The following SPECC1L variants were observed in gnomAD, a reference collection of about 807,000 sequenced individuals.
The protein encoded by SPECC1L is sperm antigen with calponin homology and coiled-coil domains 1 like.
SPECC1L carries 40 observed loss-of-function variants against 116.8 expected under a neutral mutation model. That is an observed-to-expected ratio of 0.34 (90% CI 0.27 to 0.45). The LOEUF (loss-of-function observed/expected upper bound fraction) is 0.45. Ranked by LOEUF, SPECC1L falls within the 20% of genes least tolerant of loss-of-function variation. The probability of loss-of-function intolerance (pLI) is 1.00; values close to 1 mark genes in which losing one functional copy is unlikely to be tolerated. For missense variants in SPECC1L, 1,110 were observed against 1,373.6 expected (o/e 0.81, Z 3.03); for synonymous variants, 504 against 500.6 (o/e 1.01, Z -0.09).
intron 14 of SPECC1L, among the ~76,000 whole-genome samples, chr22:24,375,789 C>A (rs559853437): frequency 6.6e-6 from 1 of 152,074 alleles, no homozygotes; most frequent in East Asian, 1.9e-4. Context: ...TCCATCTTTA[C>A]TAATACAAAA....
At chr22:24,297,318 G>GT (rs929271432) in intron 2 of SPECC1L, among the ~76,000 whole-genome samples, 14 of 151,272 alleles carry the variant, frequency 9.3e-5, no homozygotes, top group Admixed American at 2.0e-4. Flanking sequence ...TACATAAAGG[G>GT]TTTTTTTAAA....
intron 14 of SPECC1L, among the ~76,000 whole-genome samples, chr22:24,392,931 A>G (rs1187112538): frequency 1.3e-5 from 2 of 152,170 alleles, no homozygotes; most frequent in Non-Finnish European, 2.9e-5. Context: ...GAGCACTTCT[A>G]TGTAGCCTCT....
chr22:24,338,252 G>A, intron 9 of SPECC1L, 134 bp from the exon 10 acceptor site: 1 of 846,230 alleles, frequency 1.2e-6, no homozygotes, highest in Middle Eastern at 2.2e-4. Context: ...GTTCAGCAGA[G>A]GCTAGACATC....
chr22:24,273,289 G>A (rs1467848376), intron 1 of SPECC1L, among the ~76,000 whole-genome samples: 4 of 151,968 alleles, frequency 2.6e-5, no homozygotes, highest in Admixed American at 2.6e-4. Flanking sequence ...ACCTGTGTGT[G>A]GTATTATGCA....
intron 14 of SPECC1L, among the ~76,000 whole-genome samples, chr22:24,384,564 G>A (rs1410298108): frequency 6.6e-6 from 1 of 152,128 alleles, no homozygotes; most frequent in Non-Finnish European, 1.5e-5. Flanking sequence ...TTAAGGTGTT[G>A]CAAGGTCTTT....
intron 4 of SPECC1L, among the ~76,000 whole-genome samples, chr22:24,314,558 T>A (rs1473213281): frequency 1.3e-5 from 2 of 152,232 alleles, no homozygotes; most frequent in Admixed American, 6.5e-5. Context: ...CTCTTAAATC[T>A]TCTTTTTTAA....
intron 11 of SPECC1L, among the ~76,000 whole-genome samples, chr22:24,351,235 G>A (rs2146579261): frequency 6.6e-6 from 1 of 152,314 alleles, no homozygotes; most frequent in East Asian, 1.9e-4. Context: ...ATCTAATGAT[G>A]TAGACTCAGT....
Position 24,328,845 on chromosome 22 carries a change from G to A in SPECC1L, c.2147-1G>A, listed in dbSNP as rs1384048473. 1.2e-6 allele frequency: 2 copies of A among 1,610,734 alleles called. No homozygotes were observed. Among genetic ancestry groups the A allele is most frequent in the Non-Finnish European group, 1.7e-6 (2 of 1,177,210 alleles). On this transcript the variant is annotated splice_acceptor_variant, in intron 6 of 16. Transcript: ENST00000314328. LOFTEE classifies it high-confidence loss of function. The stretch of plus-strand genomic sequence containing the variant: ...TATTTAAACTTTGGTGATCTTTTCA[G>A]ATACAGTTAAAAAACTCCAGGACCA...
chr22:24,405,733 A>G (rs552889688), intron 14 of SPECC1L, among the ~76,000 whole-genome samples: 3 of 151,894 alleles, frequency 2.0e-5, no homozygotes, highest in Non-Finnish European at 2.9e-5. Flanking sequence ...CCAGCTACTC[A>G]GGAGGCTGAT....
chr22:24,273,019 T>A (rs555035900), intron 1 of SPECC1L, among the ~76,000 whole-genome samples: 10 of 152,338 alleles, frequency 6.6e-5, no homozygotes, highest in African/African-American at 1.9e-4. Flanking sequence ...AACGTGAGTG[T>A]CAAGTACAGT....
chr22:24,362,385 C>T (rs566981884), intron 11 of SPECC1L, among the ~76,000 whole-genome samples: 10 of 152,264 alleles, frequency 6.6e-5, no homozygotes, highest in African/African-American at 1.4e-4. Flanking sequence ...ACTAAAGGAA[C>T]TCCCAAGACA....
intron 2 of SPECC1L, among the ~76,000 whole-genome samples, chr22:24,299,286 C>T (rs1281560853): frequency 1.3e-5 from 2 of 151,830 alleles, no homozygotes. Context: ...TTTTAAAGAA[C>T]GGGGGTGAGG....
chr22:24,307,410 A>T (rs2146422845), intron 3 of SPECC1L, among the ~76,000 whole-genome samples: 1 of 152,130 alleles, frequency 6.6e-6, no homozygotes, highest in African/African-American at 2.4e-5. Context: ...TGAGCCCTTT[A>T]TCATTTATAC....
chr22:24,357,901 C>G (rs1385317124), intron 11 of SPECC1L, among the ~76,000 whole-genome samples: 8 of 152,150 alleles, frequency 5.3e-5, no homozygotes, highest in African/African-American at 1.9e-4. Context: ...TTTATTCATT[C>G]ACAGAGGGCA....
chr22:24,291,262 A>G (rs1022526353), intron 2 of SPECC1L, among the ~76,000 whole-genome samples: 10 of 152,190 alleles, frequency 6.6e-5, no homozygotes, highest in African/African-American at 2.4e-4. Context: ...AGATTATGAA[A>G]TGAAATTTTC....
At chr22:24,378,775 T>C (rs2146684553) in intron 14 of SPECC1L, among the ~76,000 whole-genome samples, 1 of 152,310 alleles carries the variant, frequency 6.6e-6, no homozygotes, top group Non-Finnish European at 1.5e-5. Flanking sequence ...TGGGCACAGT[T>C]CATGGCACCC....
At chr22:24,279,067 C>T (rs984877192) in intron 2 of SPECC1L, among the ~76,000 whole-genome samples, 1 of 152,162 alleles carries the variant, frequency 6.6e-6, no homozygotes, top group East Asian at 1.9e-4. Context: ...GAGAGTACTT[C>T]GGGGGACGTG....
chr22:24,398,056 A>G (rs950511407), intron 14 of SPECC1L, among the ~76,000 whole-genome samples: 1 of 152,214 alleles, frequency 6.6e-6, no homozygotes, highest in Non-Finnish European at 1.5e-5. Flanking sequence ...CTTTGGCCAC[A>G]TGGCAGGATC....
intron 10 of SPECC1L, among the ~76,000 whole-genome samples, chr22:24,341,018 T>C (rs1004799454): frequency 1.3e-5 from 2 of 152,130 alleles, no homozygotes; most frequent in Non-Finnish European, 2.9e-5. Context: ...ATGAGGTAAG[T>C]CCTACTGTGG....
Sources: gnomAD v4.1 joint callset for allele counts (sites outside exome capture counted in the v4.1 genomes callset) on GRCh38, gnomAD v4.1.1 for gene constraint, MANE v1.5 for transcripts, NCBI Gene and HGNC (gene_info 2026-07-23, HGNC 2026-07-21) for gene names.